Variants in SIL1 observed in about 807,000 individuals in gnomAD.
SIL1 encodes the protein SIL1 nucleotide exchange factor, also known as nucleotide exchange factor SIL1.
A neutral mutation model predicts 49.1 loss-of-function variants in SIL1; 40 were observed. The observed-to-expected ratio is 0.81, with a 90% confidence interval of 0.63 to 1.06. SIL1 has a LOEUF of 1.06. Among genes scored for constraint, SIL1 ranks in the 50% least tolerant of loss-of-function variants. SIL1 has a pLI of 0.00. For missense variants in SIL1, 500 were observed against 572.6 expected (o/e 0.87, Z 1.29); for synonymous variants, 253 against 250.8 (o/e 1.01, Z -0.08).
intron 3 of SIL1, among the ~76,000 whole-genome samples, chr5:139,073,001 A>G (rs1769869274): frequency 6.6e-6 from 1 of 152,220 alleles, no homozygotes; most frequent in African/African-American, 2.4e-5. Flanking sequence ...TAAAATCACA[A>G]TGAAGTATCA....
chr5:139,185,832 G>A (rs1752068990), intron 1 of SIL1, among the ~76,000 whole-genome samples: 1 of 152,042 alleles, frequency 6.6e-6, no homozygotes, highest in Admixed American at 6.6e-5. Context: ...GGGCACTTAG[G>A]GACTATGAAA....
intron 3 of SIL1, among the ~76,000 whole-genome samples, chr5:139,060,270 C>T (rs1487971391): frequency 6.6e-6 from 1 of 150,644 alleles, no homozygotes; most frequent in Non-Finnish European, 1.5e-5. Flanking sequence ...CTCTTACATA[C>T]TTTTTTTTTG....
chr5:139,122,045 T>G (rs1750651697), intron 2 of SIL1, among the ~76,000 whole-genome samples: 1 of 152,160 alleles, frequency 6.6e-6, no homozygotes, highest in South Asian at 2.1e-4. Context: ...GAAATTACAT[T>G]TGGGAAAACA....
At chr5:139,029,950 C>A (rs538719551) in intron 5 of SIL1, among the ~76,000 whole-genome samples, 2 of 151,614 alleles carry the variant, frequency 1.3e-5, no homozygotes, top group East Asian at 4.0e-4. Context: ...TCAACCTGAG[C>A]AATAGAGTGA....
At chr5:139,017,420 T>G (rs1433916035) in intron 7 of SIL1, among the ~76,000 whole-genome samples, 1 of 152,158 alleles carries the variant, frequency 6.6e-6, no homozygotes, top group African/African-American at 2.4e-5. Flanking sequence ...CATCCTTTTT[T>G]GTACTAGGTT....
At chr5:139,179,531 G>A (rs952666689) in intron 1 of SIL1, among the ~76,000 whole-genome samples, 8 of 152,144 alleles carry the variant, frequency 5.3e-5, no homozygotes, top group Non-Finnish European at 1.0e-4. Context: ...ACAGAAGCAG[G>A]AGGATCTTCT....
chr5:138,956,739 T>A, intron 7 of SIL1, among the ~76,000 whole-genome samples: 4 of 135,804 alleles, frequency 2.9e-5, no homozygotes, highest in Admixed American at 7.1e-5. Context: ...CAAGACTCTA[T>A]CTTAAAAAAA....
chr5:138,954,047 A>G lies in SIL1; in HGVS notation c.768-2163T>C, dbSNP rs146593640. ...AAGCCCTTCCACTTTCTGCACTGTGACCAGGGCAAAGAGAAGTCCCTTCTC... is the reference window on the plus strand; with the variant it reads ...AAGCCCTTCCACTTTCTGCACTGTGGCCAGGGCAAAGAGAAGTCCCTTCTC... On this transcript the variant is annotated intron_variant, in intron 7 of 9. Transcript: ENST00000394817. 3.0e-3 allele frequency among the ~76,000 whole-genome samples: 451 copies of G among 152,276 alleles called. 2 individuals carry two copies. The highest frequency in any genetic ancestry group is 0.01 in the African/African-American group (418 of 41,562).
At chr5:139,112,501 C>T (rs1237526633) in intron 3 of SIL1, among the ~76,000 whole-genome samples, 5 of 151,996 alleles carry the variant, frequency 3.3e-5, no homozygotes, top group Non-Finnish European at 7.4e-5. Flanking sequence ...GCCGCGACCC[C>T]GTCTGGGAGG....
intron 3 of SIL1, among the ~76,000 whole-genome samples, chr5:139,058,092 G>C (rs1007788143): frequency 6.6e-6 from 1 of 152,152 alleles, no homozygotes; most frequent in Non-Finnish European, 1.5e-5. Context: ...ATTAAAAGGA[G>C]CAATAAATAC....
intron 7 of SIL1, among the ~76,000 whole-genome samples, chr5:138,954,155 A>C (rs952287774): frequency 5.3e-5 from 8 of 152,200 alleles, no homozygotes; most frequent in African/African-American, 1.9e-4. Context: ...TGTCCCCCTC[A>C]GGCAGGCTCT....
At chr5:139,113,176 C>T (rs1770908421) in intron 3 of SIL1, among the ~76,000 whole-genome samples, 1 of 152,072 alleles carries the variant, frequency 6.6e-6, no homozygotes, top group South Asian at 2.1e-4. Flanking sequence ...CCGCAGGGTC[C>T]TCTGCCTAGG....
At chr5:139,005,127 T>C (rs1768080926) in intron 7 of SIL1, among the ~76,000 whole-genome samples, 1 of 152,186 alleles carries the variant, frequency 6.6e-6, no homozygotes. Flanking sequence ...GGCAGGGATG[T>C]TAAGTGCTCT....
intron 3 of SIL1, among the ~76,000 whole-genome samples, chr5:139,081,177 GAC>G (rs1770066500): frequency 6.6e-6 from 1 of 152,200 alleles, no homozygotes; most frequent in African/African-American, 2.4e-5. Context: ...CATGCTACAG[GAC>G]ACAGAGTCAC....
intron 9 of SIL1, 32 bp downstream of exon 9, chr5:138,951,134 GCAAAC>G (rs1766763091): frequency 6.2e-7 from 1 of 1,604,226 alleles, no homozygotes; most frequent in South Asian, 1.1e-5. Context: ...CACACACAAA[GCAAAC>G]AAGAGGAGAC....
At chr5:139,170,802 C>T (rs1454185650) in intron 1 of SIL1, among the ~76,000 whole-genome samples, 3 of 151,368 alleles carry the variant, frequency 2.0e-5, no homozygotes, top group South Asian at 2.1e-4. Flanking sequence ...CCAGGCCAGC[C>T]GCCCCGTCCG....
intron 7 of SIL1, among the ~76,000 whole-genome samples, chr5:138,958,428 T>C (rs1358414596): frequency 6.6e-6 from 1 of 152,232 alleles, no homozygotes; most frequent in East Asian, 1.9e-4. Context: ...ACTATAAAAA[T>C]ACTATTTGTT....
intron 1 of SIL1, among the ~76,000 whole-genome samples, chr5:139,168,993 C>G (rs1383667204): frequency 6.6e-6 from 1 of 151,124 alleles, no homozygotes; most frequent in Non-Finnish European, 1.5e-5. Flanking sequence ...TTAAAGGCAA[C>G]TACATAAGCC....
intron 3 of SIL1, among the ~76,000 whole-genome samples, chr5:139,105,854 T>G (rs1194004099): frequency 6.6e-6 from 1 of 152,184 alleles, no homozygotes; most frequent in South Asian, 2.1e-4. Context: ...GGTAAACATT[T>G]CCATCAGAAG....
Sources: allele counts gnomAD v4.1 joint callset (sites outside exome capture counted in the v4.1 genomes callset), GRCh38; gene constraint gnomAD v4.1.1; transcripts MANE v1.5; gene names NCBI Gene and HGNC (gene_info 2026-07-23, HGNC 2026-07-21).